Variants in SSBP2 observed in about 807,000 individuals in gnomAD.
SSBP2 encodes single-stranded DNA-binding protein 2.
Under a neutral mutation model 61.8 loss-of-function variants are expected in SSBP2, and 17 were observed. The observed-to-expected ratio is 0.28, with a 90% CI of 0.19 to 0.41. The LOEUF (loss-of-function observed/expected upper bound fraction) is 0.41. SSBP2 is among the 10% of genes least tolerant of loss of function. The probability of loss-of-function intolerance (pLI) is 1.00; values close to 1 mark genes in which losing one functional copy is unlikely to be tolerated. For synonymous variants in SSBP2, 139 were observed against 141.3 expected (o/e 0.98, Z 0.12); for missense variants, 310 against 458.7 (o/e 0.68, Z 2.96).
At chr5:81,728,915 TGAA>T (rs145096587) in intron 1 of SSBP2, among the ~76,000 whole-genome samples, 12,593 of 152,202 alleles carry the variant, frequency 0.083, 597 homozygotes, top group Middle Eastern at 0.2. Flanking sequence ...TAATAGAGAA[TGAA>T]GTTTAATTTT....
chr5:81,620,459 A>C (rs1746466285), intron 3 of SSBP2, among the ~76,000 whole-genome samples: 1 of 151,664 alleles, frequency 6.6e-6, no homozygotes, highest in Non-Finnish European at 1.5e-5. Context: ...AAAAGAGGAC[A>C]CAAACAAATG....
At chr5:81,553,789 A>G (rs1772387483) in intron 4 of SSBP2, among the ~76,000 whole-genome samples, 1 of 152,138 alleles carries the variant, frequency 6.6e-6, no homozygotes, top group African/African-American at 2.4e-5. Context: ...AGTGAACTAA[A>G]TGTTTGTATA....
chr5:81,423,494 C>T (rs962491648), intron 16 of SSBP2, among the ~76,000 whole-genome samples: 3 of 152,108 alleles, frequency 2.0e-5, no homozygotes, highest in Admixed American at 6.6e-5. Context: ...CCTGTAATTC[C>T]AGCACTTTGG....
In SSBP2 at chr5:81,415,462, ATT is replaced by A. The variant is rs201846227; in HGVS notation, c.*5040_*5041del. 37 of 152,330 alleles carry A rather than the reference ATT, an allele frequency of 2.4e-4. No homozygotes were observed. The East Asian group carries it at 4.8e-3, about 20-fold the overall frequency. The allele number at this position is 152,330 out of a possible 1,614,324, so 9.4% of individuals were successfully genotyped here. On this transcript the variant is annotated 3_prime_UTR_variant, in exon 17 of 17. Coordinates refer to ENST00000320672, the MANE Select transcript of SSBP2 (RefSeq NM_012446.5). Reference sequence around the variant, plus strand: ...ATGTATTATAAATGCCATGGAAATCATTGTTACAATGTATTATTTGTAATTAT... The same window carrying A: ...ATGTATTATAAATGCCATGGAAATCAGTTACAATGTATTATTTGTAATTAT...
intron 10 of SSBP2, among the ~76,000 whole-genome samples, chr5:81,458,742 C>T (rs1185521038): frequency 6.6e-6 from 1 of 152,180 alleles, no homozygotes; most frequent in Non-Finnish European, 1.5e-5. Flanking sequence ...GTTGTCACCA[C>T]AAAATGATCC....
At chr5:81,653,580 C>T (rs1431061904) in intron 1 of SSBP2, among the ~76,000 whole-genome samples, 11 of 152,138 alleles carry the variant, frequency 7.2e-5, no homozygotes, top group Non-Finnish European at 1.6e-4. Context: ...TAAAAGTGTT[C>T]CTATTTCTCC....
At chr5:81,564,653 T>C in intron 4 of SSBP2, among the ~76,000 whole-genome samples, 1 of 152,304 alleles carries the variant, frequency 6.6e-6, no homozygotes, top group East Asian at 1.9e-4. Flanking sequence ...CAGTGACTGA[T>C]GTTTTAGCTA....
chr5:81,501,652 TC>T (rs2154071110), intron 5 of SSBP2, among the ~76,000 whole-genome samples: 1 of 147,182 alleles, frequency 6.8e-6, no homozygotes, highest in Non-Finnish European at 1.5e-5. Flanking sequence ...AAGCTCCGCC[TC>T]TCGGGTTCAC....
intron 4 of SSBP2, among the ~76,000 whole-genome samples, chr5:81,559,200 A>G (rs1263758223): frequency 2.6e-5 from 4 of 152,130 alleles, no homozygotes; most frequent in African/African-American, 9.7e-5. Flanking sequence ...AGCCTGACCA[A>G]CATGGTGAAA....
At chr5:81,489,984 C>T (rs990771585) in intron 5 of SSBP2, among the ~76,000 whole-genome samples, 3 of 149,230 alleles carry the variant, frequency 2.0e-5, no homozygotes, top group African/African-American at 7.4e-5. Flanking sequence ...TGCCTGTAAA[C>T]AGCCACTGCA....
intron 13 of SSBP2, 116 bp from the exon 14 acceptor site, chr5:81,440,752 T>C (rs1050279706): frequency 1.4e-6 from 1 of 691,886 alleles, no homozygotes; most frequent in Admixed American, 3.3e-5. Flanking sequence ...ACTTTCAAGC[T>C]ATGGAGATCT....
chr5:81,562,520 A>G (rs1171464545), intron 4 of SSBP2, among the ~76,000 whole-genome samples: 1 of 152,222 alleles, frequency 6.6e-6, no homozygotes, highest in Non-Finnish European at 1.5e-5. Context: ...AACAATCGAT[A>G]CAATGTAAAT....
chr5:81,420,280 T>A lies in SSBP2; in HGVS notation c.*224A>T. ...TACATACACACATAATTATTTGCAGTTCAGTTTAGGGCAATTCTAATATGC... is the reference window on the plus strand; with the variant it reads ...TACATACACACATAATTATTTGCAGATCAGTTTAGGGCAATTCTAATATGC... On this transcript the variant is annotated 3_prime_UTR_variant, in exon 17 of 17. Transcript: ENST00000320672. 1.7e-6 allele frequency: 1 copy of A among 575,710 alleles called. No homozygotes were observed. The highest frequency in any genetic ancestry group is 2.7e-4 in the Middle Eastern group (1 of 3,722). 35.7% of individuals were successfully genotyped at this position (575,710 alleles called of 1,614,324 possible). A position where few individuals can be genotyped will look rare whatever the true frequency, so the allele number is the denominator to read the frequency against.
intron 5 of SSBP2, among the ~76,000 whole-genome samples, chr5:81,496,223 A>C (rs1032766144): frequency 6.6e-6 from 1 of 152,100 alleles, no homozygotes; most frequent in South Asian, 2.1e-4. Flanking sequence ...TCTGTTGCCC[A>C]AGCTGAAGTG....
intron 1 of SSBP2, among the ~76,000 whole-genome samples, chr5:81,690,118 C>G (rs1055714963): frequency 6.6e-6 from 1 of 151,644 alleles, no homozygotes; most frequent in Non-Finnish European, 1.5e-5. Flanking sequence ...AAATAAAAAG[C>G]AAGAAATTAA....
chr5:81,600,926 T>A (rs527506498), intron 4 of SSBP2, among the ~76,000 whole-genome samples: 15 of 152,328 alleles, frequency 9.8e-5, no homozygotes, highest in African/African-American at 3.6e-4. Flanking sequence ...TGACTGAATA[T>A]GCTGAACAAT....
intron 1 of SSBP2, among the ~76,000 whole-genome samples, chr5:81,740,722 G>A (rs1756958665): frequency 6.6e-6 from 1 of 152,180 alleles, no homozygotes; most frequent in Non-Finnish European, 1.5e-5. Context: ...GTTACAGAAT[G>A]AGAAACAGCT....
chr5:81,689,098 CAG>C (rs1323017302), intron 1 of SSBP2, among the ~76,000 whole-genome samples: 4 of 151,884 alleles, frequency 2.6e-5, no homozygotes, highest in Middle Eastern at 3.4e-3. Flanking sequence ...AAGAATGTAT[CAG>C]AGTCTCTTAA....
At chr5:81,534,063 G>A (rs1770620122) in intron 4 of SSBP2, among the ~76,000 whole-genome samples, 1 of 152,062 alleles carries the variant, frequency 6.6e-6, no homozygotes, top group Non-Finnish European at 1.5e-5. Context: ...GAGCCTAACT[G>A]CCTAAGATAA....
Sources: gnomAD v4.1 joint callset for allele counts (sites outside exome capture counted in the v4.1 genomes callset) on GRCh38, gnomAD v4.1.1 for gene constraint, MANE v1.5 for transcripts, NCBI Gene and HGNC (gene_info 2026-07-23, HGNC 2026-07-21) for gene names.